Variants in OR10G3 observed in about 807,000 individuals in gnomAD.
The protein encoded by OR10G3 is olfactory receptor 10G3.
In OR10G3, 8 loss-of-function variants were observed where a neutral mutation model predicts 13.4. The observed-to-expected ratio is 0.60, with a 90% CI of 0.35 to 1.08. The LOEUF (loss-of-function observed/expected upper bound fraction) is 1.08. Among genes scored for constraint, OR10G3 ranks in the 50% least tolerant of loss-of-function variants. OR10G3 has a pLI of 0.02. For synonymous variants in OR10G3, 142 were observed against 156.1 expected (o/e 0.91, Z 0.67); for missense variants, 393 against 386.6 (o/e 1.02, Z -0.14).
chr14:21,579,695 A>G (rs968585566), intron 1 of OR10G3, 91 bp downstream of exon 1: 10 of 152,252 alleles, frequency 6.6e-5, no homozygotes, highest in African/African-American at 2.4e-4. Flanking sequence ...CAGAGTAGAG[A>G]AACCCCTTAC....
intron 1 of OR10G3, among the ~76,000 whole-genome samples, chr14:21,576,158 G>A (rs1019044527): frequency 1.3e-5 from 2 of 152,206 alleles, no homozygotes; most frequent in African/African-American, 4.8e-5. Flanking sequence ...TTAGAAGCCT[G>A]ATTTGGTTAG....
chr14:21,579,116 TG>T (rs1189464851), intron 1 of OR10G3, among the ~76,000 whole-genome samples: 3 of 152,258 alleles, frequency 2.0e-5, no homozygotes, highest in Non-Finnish European at 2.9e-5. Context: ...CTAGTCTGGT[TG>T]GTATTAAAAC....
At chr14:21,573,420 C>A (rs1359600884) in intron 1 of OR10G3, among the ~76,000 whole-genome samples, 7 of 152,030 alleles carry the variant, frequency 4.6e-5, no homozygotes. Context: ...CGCCTGTAAT[C>A]CCAGCACTTT....
intron 1 of OR10G3, among the ~76,000 whole-genome samples, chr14:21,575,387 C>CTTT (rs568846340): frequency 8.6e-6 from 1 of 116,150 alleles, no homozygotes; most frequent in East Asian, 2.4e-4. Context: ...GGCCTCAAGT[C>CTTT]TTTTTTTTTT....
chr14:21,570,779 C>G lies in OR10G3; in HGVS notation c.-17-18G>C. The stretch of plus-strand genomic sequence containing the variant: ...AATCTTACCTAGAGAATGGACAAAA[C>G]AAGAATTAACATAGAGGTGAGAGGA... On this transcript the variant is annotated intron_variant, in intron 1 of 1. Coordinates refer to ENST00000641040, the MANE Select transcript of OR10G3 (RefSeq NM_001005465.2). 1 of 1,412,330 alleles carries G rather than the reference C, an allele frequency of 7.1e-7. No individual in the cohort carries two copies. The highest frequency in any genetic ancestry group is 9.6e-7 in the Non-Finnish European group (1 of 1,042,448). The allele number at this position is 1,412,330 out of a possible 1,614,324, so 87.5% of individuals were successfully genotyped here.
intron 1 of OR10G3, among the ~76,000 whole-genome samples, chr14:21,573,821 G>C (rs1844109142): frequency 6.6e-6 from 1 of 152,112 alleles, no homozygotes; most frequent in South Asian, 2.1e-4. Context: ...AAAAAGACAA[G>C]TATGTGAGGC....
chr14:21,578,081 T>A lies in OR10G3; in HGVS notation c.-18+1705A>T, dbSNP rs140197341. ...TTAGTCTTTGAATATATTGATTAAATGTGTTTTTGAATTCTCATCTGATAT... is the reference window on the plus strand; with the variant it reads ...TTAGTCTTTGAATATATTGATTAAAAGTGTTTTTGAATTCTCATCTGATAT... On this transcript the variant is annotated intron_variant, in intron 1 of 1. Coordinates refer to ENST00000641040, the MANE Select transcript of OR10G3 (RefSeq NM_001005465.2). 3.3e-3 allele frequency among the ~76,000 whole-genome samples: 501 copies of A among 151,994 alleles called. 1 individual carries two copies. The highest frequency in any genetic ancestry group is 0.012 in the African/African-American group (480 of 41,446).
intron 1 of OR10G3, among the ~76,000 whole-genome samples, chr14:21,574,222 G>A (rs373589538): frequency 6.8e-6 from 1 of 147,470 alleles, no homozygotes; most frequent in East Asian, 2.0e-4. Context: ...AGAATGGCAT[G>A]TACCGGGGAG....
At chr14:21,575,278 T>A (rs1404841511) in intron 1 of OR10G3, among the ~76,000 whole-genome samples, 1 of 152,048 alleles carries the variant, frequency 6.6e-6, no homozygotes, top group Non-Finnish European at 1.5e-5. Flanking sequence ...AGACAGGGTT[T>A]CACCGTGTTA....
In OR10G3 at chr14:21,569,657, T is replaced by G. The variant is rs1893039904; in HGVS notation, c.*146A>C. ...AGGATACTAAGGAACTGTTAGAAAG[T>G]TAGTATTTTACCTTAAACTGTGTTT... On this transcript the variant is annotated 3_prime_UTR_variant, in exon 2 of 2. Coordinates refer to ENST00000641040, the MANE Select transcript of OR10G3 (RefSeq NM_001005465.2). 1.0e-5 allele frequency: 7 copies of G among 670,836 alleles called. No individual in the cohort carries two copies. Among genetic ancestry groups the G allele is most frequent in the Non-Finnish European group, 1.5e-5 (6 of 396,948 alleles). 41.6% of individuals were successfully genotyped at this position (670,836 alleles called of 1,614,324 possible).
rs1547395 is a variant in OR10G3 at position 21,580,028 on chromosome 14, G to A, written c.-260C>T. The A allele has an allele frequency of 0.44, 66,162 of 152,042 alleles. 15,188 individuals are homozygous for A. Among genetic ancestry groups the A allele is most frequent in the South Asian group, 0.52 (2,524 of 4,822 alleles). The allele number at this position is 152,042 out of a possible 1,614,324, so 9.4% of individuals were successfully genotyped here. ...TGCTTCCAGCTTCCTTATGAACTGG[G>A]GGAGGAGCTGTGGCTCTTACTGAAG... On this transcript the variant is annotated 5_prime_UTR_variant, in exon 1 of 2. Coordinates refer to ENST00000641040, the MANE Select transcript of OR10G3 (RefSeq NM_001005465.2).
rs114032457 is a variant in OR10G3 at position 21,579,969 on chromosome 14, A to G, written c.-201T>C. The G allele has an allele frequency of 2.7e-3, 412 of 152,288 alleles. 1 individual carries two copies. Among genetic ancestry groups the G allele is most frequent in the African/African-American group, 9.2e-3 (382 of 41,548 alleles). 9.4% of individuals were successfully genotyped at this position (152,288 alleles called of 1,614,324 possible). A position where few individuals can be genotyped will look rare whatever the true frequency, so the allele number is the denominator to read the frequency against. On this transcript the variant is annotated 5_prime_UTR_variant, in exon 1 of 2. Transcript: ENST00000641040. ...TAAAGAGTCAAACTATGGAAACTTA[A>G]TTTATTATTTGCCTGCTTATTTGTA...
At position 21,578,730 on chromosome 14, in the gene OR10G3, G is replaced by A. The variant is rs376274395; in HGVS notation, c.-18+1056C>T. On this transcript the variant is annotated intron_variant, in intron 1 of 1. Transcript: ENST00000641040. The stretch of plus-strand genomic sequence containing the variant: ...AAGCACACTTTTTTATTTATAAAAA[G>A]CATTTCAAATATTTGGAAAACTAAT... Among the ~76,000 whole-genome samples, 51 of 151,882 alleles carry A rather than the reference G, an allele frequency of 3.4e-4. No individual in the cohort carries two copies. The South Asian group carries it at 3.7e-3, about 11-fold the overall frequency.
chr14:21,576,542 C>A (rs1476300220), intron 1 of OR10G3, among the ~76,000 whole-genome samples: 3 of 152,158 alleles, frequency 2.0e-5, no homozygotes, highest in Admixed American at 6.5e-5. Flanking sequence ...GATACATCAA[C>A]AAAGTTTTAT....
At chr14:21,574,130 C>T (rs1046768181) in intron 1 of OR10G3, among the ~76,000 whole-genome samples, 2 of 151,742 alleles carry the variant, frequency 1.3e-5, no homozygotes, top group Non-Finnish European at 2.9e-5. Flanking sequence ...GGTGAAACCC[C>T]GTCTCTACTA....
rs778460749 is a variant in OR10G3 at position 21,569,823 on chromosome 14, T to C, written c.922A>G (p.Arg308Gly). The C allele has an allele frequency of 5.0e-6, 8 of 1,614,116 alleles. No individual in the cohort carries two copies. The South Asian group carries it at 6.6e-5, about 13-fold the overall frequency. ...CACTTTCAAACCTCACTCGGAGTTC[T>C]TGGGCTTCTGAGCATTCTTTTCAGG... ...LALKRMLRSP[R>G]TPSEV The change falls in exon 2 of 2, where the codon AGA (arginine) becomes GGA (glycine). Residue 308 changes from arginine to glycine, a missense_variant. Coordinates refer to ENST00000641040, the MANE Select transcript of OR10G3 (RefSeq NM_001005465.2).
chr14:21,570,514 G>A lies in OR10G3; in HGVS notation c.231C>T (p.Ile77=), dbSNP rs771250649. 1 of 1,614,188 alleles carries A rather than the reference G, an allele frequency of 6.2e-7. No homozygotes were observed. Among genetic ancestry groups the A allele is most frequent in the Non-Finnish European group, 8.5e-7 (1 of 1,180,024 alleles). The change falls in exon 2 of 2, where the codon ATC becomes ATT. Residue 77 remains isoleucine (I), a synonymous_variant. Coordinates refer to ENST00000641040, the MANE Select transcript of OR10G3 (RefSeq NM_001005465.2). ...LSVIDMSISS[I]IVPRLMMNFT... is the part of the protein sequence containing the mutation. The stretch of plus-strand genomic sequence containing the variant: ...AGTTCATCATGAGGCGAGGGACAAT[G>A]ATGGAGGAGATGCTCATATCAATGA...
intron 1 of OR10G3, among the ~76,000 whole-genome samples, chr14:21,571,497 G>C (rs1893068790): frequency 6.6e-6 from 1 of 152,150 alleles, no homozygotes; most frequent in African/African-American, 2.4e-5. Flanking sequence ...TGATCATTTA[G>C]CCTTAAGACA....
In OR10G3 at chr14:21,570,549, C is replaced by T. The variant is rs373821112; in HGVS notation, c.196G>A (p.Val66Ile). ...ATGCTCATATCAATGACTGAGAGAA[C>T]ACCAAGAAAGATGTACATGGGGCGG... ...HARPMYIFLG[V>I]LSVIDMSISS... The change falls in exon 2 of 2, where the codon GTT becomes ATT. Residue 66 changes from valine (V) to isoleucine (I), a missense_variant. Physicochemically the swap from Val to Ile is conservative, Grantham distance 29. Transcript: ENST00000641040. The T allele has an allele frequency of 1.9e-6, 3 of 1,614,002 alleles. No homozygotes were observed. The African/African-American group carries it at 4.0e-5, about 22-fold the overall frequency.
Sources: allele counts gnomAD v4.1 joint callset (sites outside exome capture counted in the v4.1 genomes callset), GRCh38; gene constraint gnomAD v4.1.1; transcripts MANE v1.5; gene names NCBI Gene and HGNC (gene_info 2026-07-23, HGNC 2026-07-21).